EIF2AK1: variants seen among roughly 807,000 people sequenced by gnomAD.
EIF2AK1 encodes eukaryotic translation initiation factor 2 alpha kinase 1.
In EIF2AK1, 54 loss-of-function variants were observed where a neutral mutation model predicts 77.9. The ratio of observed to expected loss-of-function variants is 0.69; its 90% CI spans 0.56 to 0.87. EIF2AK1 has a LOEUF of 0.87. EIF2AK1 is among the 40% of genes least tolerant of loss of function. The probability of loss-of-function intolerance (pLI) is 0.00; values close to 1 mark genes in which losing one functional copy is unlikely to be tolerated. For synonymous variants in EIF2AK1, 314 were observed against 290.5 expected (o/e 1.08, Z -0.82); for missense variants, 810 against 768.6 (o/e 1.05, Z -0.64).
At chr7:6,052,171 C>CAAAA (rs397779941) in intron 2 of EIF2AK1, among the ~76,000 whole-genome samples, 2 of 90,728 alleles carry the variant, frequency 2.2e-5, no homozygotes, top group Non-Finnish European at 4.4e-5. Context: ...GACTCCTTAT[C>CAAAA]AAAAAAAAAA....
In EIF2AK1 at chr7:6,035,661, T is replaced by C. The variant is rs900745955; in HGVS notation, c.1332+1763A>G. On this transcript the variant is annotated intron_variant, in intron 11 of 14. Coordinates refer to ENST00000199389, the MANE Select transcript of EIF2AK1 (RefSeq NM_014413.4). The surrounding 1 kb of genome is among the most constrained non-coding windows in gnomAD (Gnocchi z 5.5). ...TTCACCACTCCACCTGGCCATAGCA[T>C]ATGGTTGCTATCCAGTTCTCTCCAT... is the stretch of plus-strand genomic sequence containing the variant. 1.9e-6 allele frequency: 3 copies of C among 1,550,602 alleles called. No individual in the cohort carries two copies. Among genetic ancestry groups the C allele is most frequent in the African/African-American group, 1.4e-5 (1 of 73,048 alleles).
intron 3 of EIF2AK1, among the ~76,000 whole-genome samples, chr7:6,049,133 C>T (rs926775288): frequency 1.3e-5 from 2 of 152,194 alleles, no homozygotes; most frequent in Non-Finnish European, 2.9e-5. Context: ...CACCCTGCTT[C>T]TGCCCGTGCC....
In EIF2AK1 at chr7:6,024,734, A is replaced by G. The variant is rs1787689362; in HGVS notation, c.1832T>C (p.Leu611Pro). The change falls in exon 15 of 15, where the codon CTA (leucine) becomes CCA (proline). Residue 611 changes from leucine (L) to proline (P), a missense_variant. By Grantham distance (98) the Leu-to-Pro change is moderately conservative. This residue lies in a region of EIF2AK1 where 549 missense variants were observed against 533.7 expected (regional missense o/e 1.03). Transcript: ENST00000199389. The stretch of plus-strand genomic sequence containing the variant: ...CCCTTTGTCTTGAGAAAGGAGGTTT[A>G]GCTGCTTCTTTAGTTCTGCAATTTC... The part of the protein sequence containing the change: ...EKEIAELKKQ[L>P]NLLSQDKGVR... 6.2e-7 allele frequency: 1 copy of G among 1,605,548 alleles called. No individual in the cohort carries two copies. Among genetic ancestry groups the G allele is most frequent in the Admixed American group, 1.7e-5 (1 of 57,414 alleles).
chr7:6,044,811 C>A (rs1788399726), intron 6 of EIF2AK1, 150 bp from the exon 7 acceptor site: 5 of 666,870 alleles, frequency 7.5e-6, no homozygotes, highest in East Asian at 2.8e-5. Context: ...GAATTTTGAT[C>A]TTTTCTCCAG....
intron 3 of EIF2AK1, 182 bp downstream of exon 3, chr7:6,049,730 G>T: frequency 6.1e-6 from 3 of 490,634 alleles, no homozygotes; most frequent in Non-Finnish European, 3.5e-6. Context: ...GGCCTCAAAT[G>T]ATCCATCTCA....
chr7:6,050,319 C>T (rs1486915194), intron 2 of EIF2AK1, among the ~76,000 whole-genome samples: 2 of 151,912 alleles, frequency 1.3e-5, no homozygotes, highest in Non-Finnish European at 1.5e-5. Flanking sequence ...CTCAACCTCC[C>T]AAGTAGCTGG....
Position 6,024,001 on chromosome 7 carries a change from A to G in EIF2AK1, c.*672T>C, listed in dbSNP as rs1270491955. 3.0e-6 allele frequency: 4 copies of G among 1,342,478 alleles called. No homozygotes were observed. Among genetic ancestry groups the G allele is most frequent in the South Asian group, 2.5e-5 (2 of 81,482 alleles). 83.2% of individuals were successfully genotyped at this position (1,342,478 alleles called of 1,614,324 possible). A position where few individuals can be genotyped will look rare whatever the true frequency, so the allele number is the denominator to read the frequency against. On this transcript the variant is annotated 3_prime_UTR_variant, in exon 15 of 15. Transcript: ENST00000199389. ...AGCTGAGTGCTACAATAAAGGAGGAAGTACCGGGGAACAGTGCAGGGCAAA... is the reference window on the plus strand; with the variant it reads ...AGCTGAGTGCTACAATAAAGGAGGAGGTACCGGGGAACAGTGCAGGGCAAA...
rs1788050286 is a variant in EIF2AK1 at position 6,035,468 on chromosome 7, C to T, written c.1332+1956G>A. 5 of 1,550,634 alleles carry T rather than the reference C, an allele frequency of 3.2e-6. No individual in the cohort carries two copies. The highest frequency in any genetic ancestry group is 1.2e-5 in the South Asian group (1 of 84,052). On this transcript the variant is annotated intron_variant, in intron 11 of 14. Coordinates refer to ENST00000199389, the MANE Select transcript of EIF2AK1 (RefSeq NM_014413.4). This position sits in a 1 kb window ranked among gnomAD's most constrained non-coding sequence, Gnocchi z 5.5. Reference sequence around the variant, plus strand: ...GGGACACGACAGGCCTCACCACACTCAACTTAATGCTACTGCACTGGCCAG... The same window carrying T: ...GGGACACGACAGGCCTCACCACACTTAACTTAATGCTACTGCACTGGCCAG...
At chr7:6,043,802 G>T (rs1466770288) in intron 7 of EIF2AK1, among the ~76,000 whole-genome samples, 1 of 151,530 alleles carries the variant, frequency 6.6e-6, no homozygotes, top group Non-Finnish European at 1.5e-5. Flanking sequence ...TTTATTTATT[G>T]ATATTTAAAT....
chr7:6,043,005 C>G lies in EIF2AK1; in HGVS notation c.731-12G>C. On this transcript the variant is annotated splice_polypyrimidine_tract_variant and intron_variant, in intron 7 of 14. Transcript: ENST00000199389. ...GGCAGCTCTGTCTGCTGAATGAAAACAAACAACAATCATCTTCAAACAGCC... is the reference window on the plus strand; with the variant it reads ...GGCAGCTCTGTCTGCTGAATGAAAAGAAACAACAATCATCTTCAAACAGCC... 1 of 1,613,756 alleles carries G rather than the reference C, an allele frequency of 6.2e-7. No individual in the cohort carries two copies. Among genetic ancestry groups the G allele is most frequent in the Admixed American group, 1.7e-5 (1 of 59,924 alleles).
In EIF2AK1 at chr7:6,047,017, T is replaced by C; in HGVS notation, c.524A>G (p.Lys175Arg). ...NEFEELAILG[K>R]GGYGRVYKVR... ...CTTGTATACTCTTCCGTATCCACCT[T>C]TTCCTAAGATGGCAAGTTCTTCAAA... is the stretch of plus-strand genomic sequence containing the variant. Residue 175 changes from lysine (K) to arginine (R), a missense_variant, in exon 5 of 15, where the codon AAA becomes AGA. Coordinates refer to ENST00000199389, the MANE Select transcript of EIF2AK1 (RefSeq NM_014413.4). 6.2e-7 allele frequency: 1 copy of C among 1,613,340 alleles called. No homozygotes were observed. Among genetic ancestry groups the C allele is most frequent in the Non-Finnish European group, 8.5e-7 (1 of 1,180,002 alleles).
At position 6,035,679 on chromosome 7, in the gene EIF2AK1, C is replaced by G; in HGVS notation, c.1332+1745G>C. The stretch of plus-strand genomic sequence containing the variant: ...CATAGCATATGGTTGCTATCCAGTT[C>G]TCTCCATTTTGACCCAAAATGGTGC... On this transcript the variant is annotated intron_variant, in intron 11 of 14. Transcript: ENST00000199389. This position sits in a 1 kb window ranked among gnomAD's most constrained non-coding sequence, Gnocchi z 5.5. 1 of 1,550,694 alleles carries G rather than the reference C, an allele frequency of 6.4e-7. No homozygotes were observed. Among genetic ancestry groups the G allele is most frequent in the Non-Finnish European group, 8.7e-7 (1 of 1,147,058 alleles).
intron 8 of EIF2AK1, 48 bp downstream of exon 8, chr7:6,042,885 C>G (rs1583489895): frequency 6.5e-7 from 1 of 1,527,060 alleles, no homozygotes. Context: ...GAACAAAAGC[C>G]CAATGCAGGT....
chr7:6,046,197 T>C (rs764151033), intron 5 of EIF2AK1, 46 bp from the exon 6 acceptor site: 1 of 1,129,744 alleles, frequency 8.9e-7, no homozygotes, highest in Non-Finnish European at 1.3e-6. Context: ...CATTAAACTT[T>C]AACTGAATAA....
intron 3 of EIF2AK1, 131 bp downstream of exon 3, chr7:6,049,781 C>G: frequency 1.1e-6 from 1 of 874,128 alleles, no homozygotes; most frequent in African/African-American, 1.7e-5. Flanking sequence ...GCCACACCAC[C>G]ATGCCTGGCC....
At chr7:6,052,920 G>A (rs911156315) in intron 2 of EIF2AK1, among the ~76,000 whole-genome samples, 1 of 151,838 alleles carries the variant, frequency 6.6e-6, no homozygotes, top group African/African-American at 2.4e-5. Context: ...CGGAAATCGC[G>A]CCAATGCACT....
At chr7:6,055,342 C>CAAAAAAAA (rs58804557) in intron 1 of EIF2AK1, among the ~76,000 whole-genome samples, 2 of 70,222 alleles carry the variant, frequency 2.8e-5, no homozygotes, top group East Asian at 4.6e-4. Context: ...AACTCCGTCT[C>CAAAAAAAA]AAAAAAAAAA....
intron 14 of EIF2AK1, chr7:6,026,385 G>T (rs750348575): frequency 2.0e-6 from 1 of 504,052 alleles, no homozygotes; most frequent in South Asian, 1.6e-5. Flanking sequence ...GGGCCCCTCC[G>T]GCCTTTCCGG....
Position 6,046,994 on chromosome 7 carries a change from T to A in EIF2AK1, c.547A>T (p.Lys183Ter). The change falls in exon 5 of 15, where the codon AAG becomes TAG. Residue 183 changes from lysine (K) to a stop codon, truncating the protein, a stop_gained and splice_region_variant. Coordinates refer to ENST00000199389, the MANE Select transcript of EIF2AK1 (RefSeq NM_014413.4). LOFTEE classifies it high-confidence loss of function. ...LGKGGYGRVY[K>*]VRNKLDGQYY... ...AAAACAAGTACGTGGAAGACAACCT[T>A]GTATACTCTTCCGTATCCACCTTTT... 6.2e-7 allele frequency: 1 copy of A among 1,610,664 alleles called. No homozygotes were observed. Among genetic ancestry groups the A allele is most frequent in the Non-Finnish European group, 8.5e-7 (1 of 1,178,500 alleles).
Sources: allele counts gnomAD v4.1 joint callset (sites outside exome capture counted in the v4.1 genomes callset), GRCh38; gene constraint gnomAD v4.1.1; regional missense constraint gnomAD v4.1.1; non-coding constraint Gnocchi (gnomAD v3.1); transcripts MANE v1.5; gene names NCBI Gene and HGNC (gene_info 2026-07-23, HGNC 2026-07-21).